Variants in ALK observed in about 807,000 individuals in gnomAD.
ALK encodes ALK tyrosine kinase receptor.
ALK carries 74 observed loss-of-function variants against 163.1 expected under a neutral mutation model. The observed-to-expected ratio is 0.45, with a 90% CI of 0.38 to 0.55. The LOEUF is 0.55. Among genes scored for constraint, ALK ranks in the 20% least tolerant of loss-of-function variants. The probability of loss-of-function intolerance (pLI) is 0.00; values close to 1 mark genes in which losing one functional copy is unlikely to be tolerated. For missense variants in ALK, 2,063 were observed against 2,105.3 expected, an observed-to-expected ratio of 0.98 and a Z score of 0.39; for synonymous variants, 960 against 843.2, an observed-to-expected ratio of 1.14 and a Z score of -2.40.
At chr2:29,726,017 C>A (rs556923315) in intron 1 of ALK, among the ~76,000 whole-genome samples, 1 of 152,216 alleles carries the variant, frequency 6.6e-6, no homozygotes, top group Non-Finnish European at 1.5e-5. Flanking sequence ...TGCAGGTGTG[C>A]TTGGTCACTG....
chr2:29,719,878 T>C (rs1020824488), intron 1 of ALK, among the ~76,000 whole-genome samples: 2 of 152,070 alleles, frequency 1.3e-5, no homozygotes, highest in South Asian at 4.1e-4. Flanking sequence ...TGCTTCAGAA[T>C]AGGGCAAGTG....
chr2:29,878,087 T>C (rs1416619156), intron 1 of ALK, among the ~76,000 whole-genome samples: 1 of 152,208 alleles, frequency 6.6e-6, no homozygotes, highest in Non-Finnish European at 1.5e-5. Flanking sequence ...TTTCATCCAT[T>C]GTACAAGATA....
At chr2:29,735,759 G>A (rs375352756) in intron 1 of ALK, among the ~76,000 whole-genome samples, 28 of 151,884 alleles carry the variant, frequency 1.8e-4, no homozygotes, top group Non-Finnish European at 3.2e-4. Flanking sequence ...CCCTTTGCTC[G>A]GCATTTCTTT....
chr2:29,691,288 G>A (rs1261832284), intron 3 of ALK, among the ~76,000 whole-genome samples: 2 of 152,202 alleles, frequency 1.3e-5, no homozygotes, highest in East Asian at 1.9e-4. Context: ...TGCTGTGTGA[G>A]TACAGACCAC....
At chr2:29,785,759 T>C (rs972516002) in intron 1 of ALK, among the ~76,000 whole-genome samples, 3 of 152,070 alleles carry the variant, frequency 2.0e-5, no homozygotes, top group Admixed American at 6.6e-5. Flanking sequence ...ACTACCACAC[T>C]ACTGACCCTC....
chr2:29,475,652 G>C lies in ALK; in HGVS notation c.1154+56263C>G, dbSNP rs1405986445. Among the ~76,000 whole-genome samples, 3 of 152,154 alleles carry C rather than the reference G, an allele frequency of 2.0e-5. No individual in the cohort carries two copies. The East Asian group carries it at 5.8e-4, about 29-fold the overall frequency. ...CCCCTGCTAGCTCTATGTAGAGATC[G>C]GCGACCCCCTGGGGCCAATCTCCCT... On this transcript the variant is annotated intron_variant, in intron 4 of 28. Coordinates refer to ENST00000389048, the MANE Select transcript of ALK (RefSeq NM_004304.5).
intron 5 of ALK, among the ~76,000 whole-genome samples, chr2:29,377,115 AC>A (rs1668771250): frequency 6.6e-6 from 1 of 152,192 alleles, no homozygotes; most frequent in South Asian, 2.1e-4. Context: ...CAGTTAATAT[AC>A]CTATTTTTGG....
rs73922316 is a variant in ALK, at chr2:29,856,438, T to G, written c.667+63555A>C. Among the ~76,000 whole-genome samples the G allele has an allele frequency of 8.3e-3, 1,258 of 152,352 alleles. 10 individuals are homozygous for G. The highest frequency in any genetic ancestry group is 0.029 in the African/African-American group (1,200 of 41,584). On this transcript the variant is annotated intron_variant, in intron 1 of 28. Coordinates refer to ENST00000389048, the MANE Select transcript of ALK (RefSeq NM_004304.5). Reference sequence around the variant, plus strand: ...AAGCAGCTAATGTGTACCAGGTATTTTACAAACACGACCTCAGTCATTTCT... The same window carrying G: ...AAGCAGCTAATGTGTACCAGGTATTGTACAAACACGACCTCAGTCATTTCT...
intron 3 of ALK, among the ~76,000 whole-genome samples, chr2:29,663,509 G>A (rs1677415407): frequency 6.6e-6 from 1 of 152,016 alleles, no homozygotes. Context: ...ACCAGTGATG[G>A]CATCAGTGAG....
intron 3 of ALK, among the ~76,000 whole-genome samples, chr2:29,632,013 T>G (rs1209719714): frequency 6.6e-6 from 1 of 152,156 alleles, no homozygotes; most frequent in Non-Finnish European, 1.5e-5. Context: ...AGGGTAGAAA[T>G]AAGAAAATTG....
At chr2:29,818,710 C>T (rs1337623137) in intron 1 of ALK, among the ~76,000 whole-genome samples, 1 of 152,252 alleles carries the variant, frequency 6.6e-6, no homozygotes, top group African/African-American at 2.4e-5. Context: ...CAGCGTGAGG[C>T]GGCCCTGGCC....
chr2:29,381,570 C>T (rs1348171612), intron 5 of ALK, among the ~76,000 whole-genome samples: 1 of 152,208 alleles, frequency 6.6e-6, no homozygotes, highest in Non-Finnish European at 1.5e-5. Context: ...TCCCCTTGTG[C>T]TCCATCTGTG....
intron 1 of ALK, among the ~76,000 whole-genome samples, chr2:29,883,242 T>A (rs1447218339): frequency 6.6e-6 from 1 of 152,220 alleles, no homozygotes; most frequent in African/African-American, 2.4e-5. Flanking sequence ...AAACAATGGT[T>A]ATCCAGCAAC....
At chr2:29,766,118 A>G (rs1680855358) in intron 1 of ALK, among the ~76,000 whole-genome samples, 1 of 152,206 alleles carries the variant, frequency 6.6e-6, no homozygotes, top group African/African-American at 2.4e-5. Flanking sequence ...TGCATAATTA[A>G]CTCAACAGAA....
chr2:29,863,174 T>C (rs886208772), intron 1 of ALK, among the ~76,000 whole-genome samples: 2 of 152,012 alleles, frequency 1.3e-5, no homozygotes, highest in African/African-American at 2.4e-5. Flanking sequence ...GAAGAAAACA[T>C]AGAGGAAAAG....
chr2:29,501,737 T>C (rs1672194175), intron 4 of ALK, among the ~76,000 whole-genome samples: 1 of 152,208 alleles, frequency 6.6e-6, no homozygotes, highest in African/African-American at 2.4e-5. Flanking sequence ...AAGTATACAG[T>C]TTAGTGGCAT....
chr2:29,293,757 A>G (rs895285541), intron 9 of ALK, among the ~76,000 whole-genome samples: 1 of 152,152 alleles, frequency 6.6e-6, no homozygotes, highest in Non-Finnish European at 1.5e-5. Context: ...ATGGGCTTAA[A>G]AAAGGTCTTA....
chr2:29,791,722 C>T lies in ALK; in HGVS notation c.668-74025G>A, dbSNP rs187979562. ...AGACCAGATCTCTTGTTTTTCATGA[C>T]GCTTTTGTAATCTCATTCATTCATC... On this transcript the variant is annotated intron_variant, in intron 1 of 28. Coordinates refer to ENST00000389048, the MANE Select transcript of ALK (RefSeq NM_004304.5). Among the ~76,000 whole-genome samples, 1,455 of 152,114 alleles carry T rather than the reference C, an allele frequency of 9.6e-3. 21 individuals are homozygous for T. Among genetic ancestry groups the T allele is most frequent in the Non-Finnish European group, 0.011 (739 of 67,998 alleles).
At chr2:29,757,904 T>G (rs1469008755) in intron 1 of ALK, among the ~76,000 whole-genome samples, 1 of 151,906 alleles carries the variant, frequency 6.6e-6, no homozygotes, top group Non-Finnish European at 1.5e-5. Context: ...GGATTTTGAG[T>G]AGTAGACAGA....
Sources: gnomAD v4.1 joint callset for allele counts (sites outside exome capture counted in the v4.1 genomes callset) on GRCh38, gnomAD v4.1.1 for gene constraint, MANE v1.5 for transcripts, NCBI Gene and HGNC (gene_info 2026-07-23, HGNC 2026-07-21) for gene names.